MAP2: variants seen among roughly 807,000 people sequenced by gnomAD.
The protein encoded by MAP2 is microtubule-associated protein 2.
In MAP2, 14 loss-of-function variants were observed where a neutral mutation model predicts 137.6. The observed-to-expected ratio is 0.10, with a 90% CI of 0.07 to 0.16. The LOEUF (loss-of-function observed/expected upper bound fraction) is 0.16. Ranked by LOEUF, MAP2 falls within the 10% of genes least tolerant of loss-of-function variation. MAP2 has a pLI of 1.00. For synonymous variants in MAP2, 786 were observed against 782.3 expected, an observed-to-expected ratio of 1.00 and a Z score of -0.08; for missense variants, 2,088 against 2,191.5, an observed-to-expected ratio of 0.95 and a Z score of 0.94.
intron 1 of MAP2, among the ~76,000 whole-genome samples, chr2:209,434,917 ATGTTATATATATATGTTATATATATG>A (rs1695491527): frequency 7.5e-6 from 1 of 133,720 alleles, no homozygotes. Flanking sequence ...TGTTATATAT[ATGTTATATATATATGTTATATATATG>A]TGTTTTATAT....
intron 1 of MAP2, among the ~76,000 whole-genome samples, chr2:209,435,459 G>A (rs1695690950): frequency 1.3e-5 from 2 of 151,682 alleles, no homozygotes; most frequent in Non-Finnish European, 1.5e-5. Context: ...GCACTGAGGT[G>A]ACAGTGAGCA....
At chr2:209,688,615 C>G (rs2057875052) in intron 7 of MAP2, among the ~76,000 whole-genome samples, 1 of 152,064 alleles carries the variant, frequency 6.6e-6, no homozygotes, top group Non-Finnish European at 1.5e-5. Context: ...GATTCAAAGC[C>G]TTTGTCATTC....
At chr2:209,678,355 A>G (rs1420433838) in intron 5 of MAP2, among the ~76,000 whole-genome samples, 3 of 151,928 alleles carry the variant, frequency 2.0e-5, no homozygotes, top group Non-Finnish European at 2.9e-5. Context: ...TTCTGTGCTC[A>G]TTTTGCTTGC....
intron 2 of MAP2, among the ~76,000 whole-genome samples, chr2:209,569,618 T>C (rs190535227): frequency 2.6e-5 from 4 of 151,908 alleles, no homozygotes; most frequent in African/African-American, 7.2e-5. Context: ...GAAGGCAATA[T>C]CTGAGGGAAA....
In MAP2 at chr2:209,454,304, T is replaced by C. The variant is rs1255857733; in HGVS notation, c.-222+30028T>C. Among the ~76,000 whole-genome samples, 3 of 152,050 alleles carry C rather than the reference T, an allele frequency of 2.0e-5. No individual in the cohort carries two copies. The East Asian group carries it at 5.8e-4, about 29-fold the overall frequency. On this transcript the variant is annotated intron_variant, in intron 1 of 15. Transcript: ENST00000682079. ...CAGGATTGTTCAACCACAGCTAATA[T>C]GTTAGGAAATCATCAATATATTCAC...
At chr2:209,548,874 T>G (rs2068607420) in intron 2 of MAP2, among the ~76,000 whole-genome samples, 1 of 152,172 alleles carries the variant, frequency 6.6e-6, no homozygotes, top group Admixed American at 6.5e-5. Flanking sequence ...CTTGCAAGTT[T>G]CCTGAGGCCT....
At chr2:209,524,233 A>T (rs571248989) in intron 2 of MAP2, among the ~76,000 whole-genome samples, 1 of 152,260 alleles carries the variant, frequency 6.6e-6, no homozygotes, top group African/African-American at 2.4e-5. Flanking sequence ...ATTTATCCCA[A>T]TTTAGAATCA....
rs187229509 is a variant in MAP2 at position 209,532,907 on chromosome 2, T to C, written c.-172+25266T>C. 3.2e-4 allele frequency among the ~76,000 whole-genome samples: 49 copies of C among 152,292 alleles called. No individual in the cohort carries two copies. In the East Asian group the frequency reaches 8.9e-3, roughly 28 times the overall value. The stretch of plus-strand genomic sequence containing the variant: ...CTTAAAAACTAGGCTTAGCCTGCTC[T>C]CTGGTGAACTCATGAAATAGCTGGG... On this transcript the variant is annotated intron_variant, in intron 2 of 15. Coordinates refer to ENST00000682079, the MANE Select transcript of MAP2 (RefSeq NM_001375505.1).
chr2:209,460,561 C>T (rs773068716), intron 1 of MAP2, among the ~76,000 whole-genome samples: 1 of 151,732 alleles, frequency 6.6e-6, no homozygotes, highest in Non-Finnish European at 1.5e-5. Context: ...TTCTTTCCTT[C>T]CTTCCCTTCT....
At chr2:209,659,442 T>TA (rs2042390885) in intron 5 of MAP2, among the ~76,000 whole-genome samples, 2 of 152,196 alleles carry the variant, frequency 1.3e-5, no homozygotes, top group Admixed American at 6.5e-5. Flanking sequence ...TCTCTTGCCC[T>TA]ACAGACCAGT....
chr2:209,593,634 A>AAAAAAAATATATATAT (rs1286103137), intron 3 of MAP2, among the ~76,000 whole-genome samples: 2 of 33,644 alleles, frequency 5.9e-5, no homozygotes, highest in Non-Finnish European at 9.8e-5. Context: ...AAAAAAAAAA[A>AAAAAAAATATATATAT]ATATATATAT....
chr2:209,451,669 T>C (rs1700347941), intron 1 of MAP2, among the ~76,000 whole-genome samples: 1 of 152,210 alleles, frequency 6.6e-6, no homozygotes. Context: ...GCCTGACACA[T>C]ACACATACTA....
chr2:209,679,552 A>G (rs2053621295), intron 6 of MAP2, among the ~76,000 whole-genome samples: 1 of 151,912 alleles, frequency 6.6e-6, no homozygotes, highest in Admixed American at 6.6e-5. Context: ...GTACATATCC[A>G]TTTCCCTCTC....
intron 3 of MAP2, among the ~76,000 whole-genome samples, chr2:209,618,136 G>T (rs1362489148): frequency 6.6e-6 from 1 of 152,032 alleles, no homozygotes; most frequent in East Asian, 1.9e-4. Flanking sequence ...TTGGGGAATC[G>T]AAGAGTTCAT....
intron 2 of MAP2, among the ~76,000 whole-genome samples, chr2:209,533,691 A>G (rs868183512): frequency 6.6e-6 from 1 of 152,224 alleles, no homozygotes; most frequent in Non-Finnish European, 1.5e-5. Flanking sequence ...AGGCATACTT[A>G]TGCTTCTGGT....
At chr2:209,610,603 G>T (rs1261763380) in intron 3 of MAP2, among the ~76,000 whole-genome samples, 1 of 151,998 alleles carries the variant, frequency 6.6e-6, no homozygotes, top group Non-Finnish European at 1.5e-5. Context: ...GTAAAAACTT[G>T]TATTATTTTC....
intron 2 of MAP2, among the ~76,000 whole-genome samples, chr2:209,533,096 C>T (rs1427038049): frequency 6.6e-6 from 1 of 151,770 alleles, no homozygotes; most frequent in Non-Finnish European, 1.5e-5. Context: ...CTCTACTGCC[C>T]CCATTTCCCA....
At chr2:209,577,869 A>C (rs1440091423) in intron 2 of MAP2, among the ~76,000 whole-genome samples, 1 of 152,234 alleles carries the variant, frequency 6.6e-6, no homozygotes, top group African/African-American at 2.4e-5. Context: ...GAAATGAAAG[A>C]AAAGCAGTGA....
At chr2:209,619,759 G>C (rs986050586) in intron 3 of MAP2, among the ~76,000 whole-genome samples, 1 of 152,134 alleles carries the variant, frequency 6.6e-6, no homozygotes, top group Non-Finnish European at 1.5e-5. Flanking sequence ...CAACAAGGAA[G>C]AATCCTAACA....
Sources: allele counts gnomAD v4.1 joint callset (sites outside exome capture counted in the v4.1 genomes callset), GRCh38; gene constraint gnomAD v4.1.1; transcripts MANE v1.5; gene names NCBI Gene and HGNC (gene_info 2026-07-23, HGNC 2026-07-21).